SPTBN1: variants seen among roughly 807,000 people sequenced by gnomAD.
SPTBN1 encodes the protein spectrin beta, non-erythrocytic 1.
In SPTBN1, 32 loss-of-function variants were observed where a neutral mutation model predicts 266.4. That is an observed-to-expected ratio of 0.12 (90% CI 0.09 to 0.16). The LOEUF (loss-of-function observed/expected upper bound fraction) is 0.16. Among genes scored for constraint, SPTBN1 ranks in the 10% least tolerant of loss-of-function variants. SPTBN1 has a pLI of 1.00. For missense variants in SPTBN1, 2,296 were observed against 3,067.1 expected (o/e 0.75, Z 5.94); for synonymous variants, 1,336 against 1,162.2 (o/e 1.15, Z -3.04).
At chr2:54,657,805 G>A (rs753751388) in intron 29 of SPTBN1, 45 bp from the exon 30 acceptor site, 27 of 1,612,082 alleles carry the variant, frequency 1.7e-5, no homozygotes, top group Non-Finnish European at 2.0e-5. Context: ...ATGACTGCCC[G>A]GCACCTCCTG....
chr2:54,568,891 T>C (rs1380495040), intron 2 of SPTBN1, among the ~76,000 whole-genome samples: 2 of 152,244 alleles, frequency 1.3e-5, no homozygotes, highest in Non-Finnish European at 2.9e-5. Context: ...TCAGCCACAC[T>C]TCATCTTAGT....
At chr2:54,549,673 C>T (rs1264804370) in intron 2 of SPTBN1, among the ~76,000 whole-genome samples, 1 of 152,154 alleles carries the variant, frequency 6.6e-6, no homozygotes, top group Non-Finnish European at 1.5e-5. Flanking sequence ...ACGACGGAGG[C>T]TGACAGTGCT....
At chr2:54,623,855 A>G (rs957091872) in intron 10 of SPTBN1, among the ~76,000 whole-genome samples, 4 of 152,214 alleles carry the variant, frequency 2.6e-5, no homozygotes, top group African/African-American at 9.7e-5. Context: ...TGCTACTCAG[A>G]TACATATCAC....
chr2:54,571,061 A>G (rs1053945854), intron 2 of SPTBN1, among the ~76,000 whole-genome samples: 12 of 152,180 alleles, frequency 7.9e-5, no homozygotes, highest in Non-Finnish European at 1.6e-4. Flanking sequence ...GAGATTACAC[A>G]CTATCTGCAA....
chr2:54,644,388 T>C lies in SPTBN1; in HGVS notation c.4071T>C (p.Gly1357=), dbSNP rs201093229. 9 of 1,614,104 alleles carry C rather than the reference T, an allele frequency of 5.6e-6. No individual in the cohort carries two copies. The highest frequency in any genetic ancestry group is 5.0e-5 in the Admixed American group (3 of 60,006). Residue 1357 remains glycine, a synonymous_variant, in exon 20 of 36, where the codon GGT becomes GGC. Coordinates refer to ENST00000356805, the MANE Select transcript of SPTBN1 (RefSeq NM_003128.3). ...CTGTGGTGAAGGAGAAACTCACTGG[T>C]TTACATAAAATGTGGGAAGTCCTTG... ...TEAVVKEKLT[G]LHKMWEVLES... is the part of the protein sequence containing the mutation.
chr2:54,636,719 G>T (rs1237890538), intron 17 of SPTBN1, among the ~76,000 whole-genome samples: 1 of 152,220 alleles, frequency 6.6e-6, no homozygotes, highest in Non-Finnish European at 1.5e-5. Context: ...GAGAGAAATT[G>T]CTCTAAGAAT....
chr2:54,558,340 G>A lies in SPTBN1; in HGVS notation c.148+31774G>A, dbSNP rs1355695123. 2 of 995,410 alleles carry A rather than the reference G, an allele frequency of 2.0e-6. No individual in the cohort carries two copies. Among genetic ancestry groups the A allele is most frequent in the East Asian group, 1.1e-4 (1 of 8,946 alleles). The allele number at this position is 995,410 out of a possible 1,614,324, so 61.7% of individuals were successfully genotyped here. A position where few individuals can be genotyped will look rare whatever the true frequency, so the allele number is the denominator to read the frequency against. On this transcript the variant is annotated intron_variant, in intron 2 of 35. Transcript: ENST00000356805. This position sits in a 1 kb window ranked among gnomAD's most constrained non-coding sequence, Gnocchi z 4.6. ...GTGACATCACCGCCCAGCACACGGC[G>A]AGTGGCTCCTGATAAAATTACAAAC...
chr2:54,481,173 C>G (rs1169377231), intron 1 of SPTBN1, among the ~76,000 whole-genome samples: 1 of 151,638 alleles, frequency 6.6e-6, no homozygotes, highest in Non-Finnish European at 1.5e-5. Flanking sequence ...TAATAAAATC[C>G]TAGAAATGAA....
chr2:54,504,088 G>C (rs1669425078), intron 1 of SPTBN1, among the ~76,000 whole-genome samples: 1 of 152,216 alleles, frequency 6.6e-6, no homozygotes, highest in Admixed American at 6.5e-5. Flanking sequence ...GGGTGGGACT[G>C]ACTTGTTCAA....
intron 1 of SPTBN1, among the ~76,000 whole-genome samples, chr2:54,504,363 G>T (rs954153641): frequency 1.3e-5 from 2 of 152,142 alleles, no homozygotes; most frequent in South Asian, 4.1e-4. Flanking sequence ...TAGACTTAAG[G>T]ATATTCCTTG....
Position 54,533,445 on chromosome 2 carries a change from T to C in SPTBN1, c.148+6879T>C, listed in dbSNP as rs1671392457. Among the ~76,000 whole-genome samples the C allele has an allele frequency of 6.6e-6, 1 of 151,774 alleles. No individual in the cohort carries two copies. Among genetic ancestry groups the C allele is most frequent in the Non-Finnish European group, 1.5e-5 (1 of 67,964 alleles). On this transcript the variant is annotated intron_variant, in intron 2 of 35. Transcript: ENST00000356805. This position sits in a 1 kb window ranked among gnomAD's most constrained non-coding sequence, Gnocchi z 4.2. ...CGAACAGAGCCAACCTCTTCCTGAA[T>C]ATGTAAAGAAATCTATAAAACATGG...
chr2:54,667,913 G>T (rs548216746), intron 35 of SPTBN1, among the ~76,000 whole-genome samples: 2 of 152,202 alleles, frequency 1.3e-5, no homozygotes, highest in Non-Finnish European at 2.9e-5. Context: ...ATAGTGAGGT[G>T]GTCCCAGGAC....
chr2:54,560,580 G>T (rs1199352769), intron 2 of SPTBN1, among the ~76,000 whole-genome samples: 1 of 152,124 alleles, frequency 6.6e-6, no homozygotes, highest in Admixed American at 6.5e-5. Context: ...ATGTGCCCCT[G>T]ATATTTTACC....
At chr2:54,511,888 A>G (rs1669874409) in intron 1 of SPTBN1, among the ~76,000 whole-genome samples, 1 of 152,104 alleles carries the variant, frequency 6.6e-6, no homozygotes, top group African/African-American at 2.4e-5. Flanking sequence ...AATAATAATA[A>G]TAATTCTACA....
chr2:54,549,220 C>T (rs1343041821), intron 2 of SPTBN1, among the ~76,000 whole-genome samples: 1 of 145,110 alleles, frequency 6.9e-6, no homozygotes, highest in Admixed American at 7.3e-5. Context: ...ACCCTGGAAG[C>T]AGAGGTTGCA....
intron 1 of SPTBN1, among the ~76,000 whole-genome samples, chr2:54,479,457 G>A (rs1474603168): frequency 6.6e-6 from 1 of 152,154 alleles, no homozygotes; most frequent in African/African-American, 2.4e-5. Context: ...TGCCTCTGCT[G>A]GTTACTGACT....
Position 54,628,102 on chromosome 2 carries a change from A to G in SPTBN1, c.1650A>G (p.Leu550=), listed in dbSNP as rs1260430313. The change falls in exon 13 of 36, where the codon CTA becomes CTG. Residue 550 remains leucine (L), a synonymous_variant. Transcript: ENST00000356805. The surrounding 1 kb of genome is among the most constrained non-coding windows in gnomAD (Gnocchi z 4.3). ...IMDWMDEMKV[L]VLSQDYGKHL... is the part of the protein sequence containing the mutation. ...TGGTTGCTTCTTGTGCACAGGTGCTAGTATTGTCTCAAGACTATGGCAAAC... is the reference window on the plus strand; with the variant it reads ...TGGTTGCTTCTTGTGCACAGGTGCTGGTATTGTCTCAAGACTATGGCAAAC... The G allele has an allele frequency of 1.2e-6, 2 of 1,611,706 alleles. No homozygotes were observed. The highest frequency in any genetic ancestry group is 1.7e-5 in the Admixed American group (1 of 59,674).
chr2:54,642,074 C>G (rs747282565), intron 18 of SPTBN1, among the ~76,000 whole-genome samples: 1 of 152,166 alleles, frequency 6.6e-6, no homozygotes, highest in Non-Finnish European at 1.5e-5. Flanking sequence ...TATCTTCAGC[C>G]TGGGCAAACA....
Position 54,646,317 on chromosome 2 carries a change from C to A in SPTBN1, c.4708C>A (p.Leu1570Met). Residue 1570 changes from leucine to methionine, a missense_variant, in exon 23 of 36, where the codon CTG becomes ATG. Around this residue, in one of 12 missense-constraint regions of SPTBN1, gnomAD observed 644 missense variants for 745.3 expected, o/e 0.86. Transcript: ENST00000356805. The surrounding 1 kb of genome is among the most constrained non-coding windows in gnomAD (Gnocchi z 4.4). ...GGCCATCAGACAGAGGCTTGCCGAC[C>A]TGAAGCAGCTGTGGGGTCTCCTCAT... ...AEAIRQRLADLKQLWGLLIEE... is the reference protein window; with the variant it reads ...AEAIRQRLADMKQLWGLLIEE... 3 of 1,614,216 alleles carry A rather than the reference C, an allele frequency of 1.9e-6. No individual in the cohort carries two copies. In the South Asian group the frequency reaches 3.3e-5, roughly 18 times the overall value.
Sources: allele counts gnomAD v4.1 joint callset (sites outside exome capture counted in the v4.1 genomes callset), GRCh38; gene constraint gnomAD v4.1.1; regional missense constraint gnomAD v4.1.1; non-coding constraint Gnocchi (gnomAD v3.1); transcripts MANE v1.5; gene names NCBI Gene and HGNC (gene_info 2026-07-23, HGNC 2026-07-21).